Variants in FOXK1 observed in about 807,000 individuals in gnomAD.
The protein encoded by FOXK1 is forkhead box protein K1.
Under a neutral mutation model 51.9 loss-of-function variants are expected in FOXK1, and 19 were observed. The ratio of observed to expected loss-of-function variants is 0.37; its 90% confidence interval spans 0.26 to 0.54. FOXK1 has a LOEUF of 0.54. FOXK1 is among the 20% of genes least tolerant of loss of function. The pLI is 0.87. For missense variants in FOXK1, 870 were observed against 1,032.7 expected (o/e 0.84, Z 2.16); for synonymous variants, 537 against 482.6 (o/e 1.11, Z -1.48).
Position 4,757,438 on chromosome 7 carries a change from G to A in FOXK1, c.1244+251G>A, listed in dbSNP as rs140922245. ...AGGTCAGGGGTTTGAGACCAGCCTA[G>A]CCAACATGGTGAAACCCCTGCCTCT... On this transcript the variant is annotated intron_variant, in intron 5 of 8. Coordinates refer to ENST00000328914, the MANE Select transcript of FOXK1 (RefSeq NM_001037165.2). 8.7e-3 allele frequency among the ~76,000 whole-genome samples: 1,323 copies of A among 152,044 alleles called. 18 individuals carry two copies. The highest frequency in any genetic ancestry group is 0.03 in the African/African-American group (1,260 of 41,480).
Position 4,731,772 on chromosome 7 carries a change from A to G in FOXK1, c.561-9066A>G, listed in dbSNP as rs975419118. Among the ~76,000 whole-genome samples the G allele has an allele frequency of 1.2e-4, 19 of 152,226 alleles. No homozygotes were observed. Among genetic ancestry groups the G allele is most frequent in the East Asian group, 5.8e-4 (3 of 5,196 alleles). ...AAACTCTGCCTCAAAAAAAAAAAAA[A>G]AAAAAGAAAACAGAGAGGCCTGCTT... On this transcript the variant is annotated intron_variant, in intron 1 of 8. Transcript: ENST00000328914. This position sits in a 1 kb window ranked among gnomAD's most constrained non-coding sequence, Gnocchi z 5.3.
Position 4,720,638 on chromosome 7 carries a change from G to C in FOXK1, c.561-20200G>C, listed in dbSNP as rs60253711. Among the ~76,000 whole-genome samples the C allele has an allele frequency of 2.9e-3, 443 of 152,212 alleles. 5 individuals are homozygous for C. The highest frequency in any genetic ancestry group is 8.0e-3 in the African/African-American group (333 of 41,532). On this transcript the variant is annotated intron_variant, in intron 1 of 8. Coordinates refer to ENST00000328914, the MANE Select transcript of FOXK1 (RefSeq NM_001037165.2). ...CCTCAGCCCCATCTCTCCCGAGCAG[G>C]CAGATGCTTCCTGAGAATTAGGCAG... is the stretch of plus-strand genomic sequence containing the variant.
chr7:4,699,587 C>G (rs554680264), intron 1 of FOXK1, among the ~76,000 whole-genome samples: 11 of 151,978 alleles, frequency 7.2e-5, no homozygotes, highest in Non-Finnish European at 1.2e-4. Flanking sequence ...AGGCTGGTCT[C>G]GAACTCCTGG....
At chr7:4,754,699 A>G (rs1420650047) in intron 3 of FOXK1, 84 bp downstream of exon 3, 14 of 1,482,750 alleles carry the variant, frequency 9.4e-6, no homozygotes, top group Non-Finnish European at 1.3e-5. Flanking sequence ...CAGACAGCCC[A>G]GGGCCTGCGG....
chr7:4,725,106 C>T (rs976103397), intron 1 of FOXK1, among the ~76,000 whole-genome samples: 1 of 152,388 alleles, frequency 6.6e-6, no homozygotes, highest in East Asian at 1.9e-4. Flanking sequence ...TCCGCGCCCA[C>T]GTTGCCCTAA....
rs1325740631 is a variant in FOXK1 at position 4,735,930 on chromosome 7, G to T, written c.561-4908G>T. On this transcript the variant is annotated intron_variant, in intron 1 of 8. Coordinates refer to ENST00000328914, the MANE Select transcript of FOXK1 (RefSeq NM_001037165.2). The surrounding 1 kb of genome is among the most constrained non-coding windows in gnomAD (Gnocchi z 4.7). ...GCACTTTGAGAGGCTGATGCGGGTG[G>T]ATCACTTGAGGTCAGGAGTTCAAGA... Among the ~76,000 whole-genome samples the T allele has an allele frequency of 6.6e-6, 1 of 152,166 alleles. No individual in the cohort carries two copies. The highest frequency in any genetic ancestry group is 2.4e-5 in the African/African-American group (1 of 41,432).
At chr7:4,746,973 C>T (rs1780710786) in intron 2 of FOXK1, among the ~76,000 whole-genome samples, 1 of 152,220 alleles carries the variant, frequency 6.6e-6, no homozygotes, top group African/African-American at 2.4e-5. Flanking sequence ...TTGTTTCCTC[C>T]ACATGGGAAG....
rs1293742529 is a variant in FOXK1 at position 4,734,583 on chromosome 7, G to C, written c.561-6255G>C. On this transcript the variant is annotated intron_variant, in intron 1 of 8. Coordinates refer to ENST00000328914, the MANE Select transcript of FOXK1 (RefSeq NM_001037165.2). This position sits in a 1 kb window ranked among gnomAD's most constrained non-coding sequence, Gnocchi z 5.2. ...CGGCCCACCCCCCCGCTGCCCAAGT[G>C]TGCGTGGGCATCGGTGCACGGGGCT... Among the ~76,000 whole-genome samples, 2 of 152,230 alleles carry C rather than the reference G, an allele frequency of 1.3e-5. No individual in the cohort carries two copies. The highest frequency in any genetic ancestry group is 2.9e-5 in the Non-Finnish European group (2 of 68,040).
rs558885719 is a variant in FOXK1, at chr7:4,709,660, G to C, written c.560+26792G>C. On this transcript the variant is annotated intron_variant, in intron 1 of 8. Coordinates refer to ENST00000328914, the MANE Select transcript of FOXK1 (RefSeq NM_001037165.2). The surrounding 1 kb of genome is among the most constrained non-coding windows in gnomAD (Gnocchi z 5.6). ...AAAATCATGAACTGGTTTTGCCGCA[G>C]TAAAGCGTAATTCACATGATACAAA... Among the ~76,000 whole-genome samples, 1 of 152,358 alleles carries C rather than the reference G, an allele frequency of 6.6e-6. No homozygotes were observed. The highest frequency in any genetic ancestry group is 1.9e-4 in the East Asian group (1 of 5,188).
chr7:4,754,647 G>GGTGACCCAGGATCGGGCCATA, intron 3 of FOXK1, 32 bp downstream of exon 3: 2 of 1,591,908 alleles, frequency 1.3e-6, no homozygotes, highest in Non-Finnish European at 1.7e-6. Flanking sequence ...TGGTGCACCT[G>GGTGACCCAGGATCGGGCCATA]GTGACCCAGG....
rs1781032459 is a variant in FOXK1, at chr7:4,767,633, T to C, written c.*5169T>C. ...AGGGTAGAATTTGAAATATAACAAA[T>C]GGTCTCTCGCCCGGTTCTGTCCCTT... On this transcript the variant is annotated 3_prime_UTR_variant, in exon 9 of 9. Transcript: ENST00000328914. The surrounding 1 kb of genome is among the most constrained non-coding windows in gnomAD (Gnocchi z 6.6). The C allele has an allele frequency of 6.6e-6, 1 of 152,238 alleles. No homozygotes were observed. Among genetic ancestry groups the C allele is most frequent in the Admixed American group, 6.5e-5 (1 of 15,280 alleles). 9.4% of individuals were successfully genotyped at this position (152,238 alleles called of 1,614,324 possible). A position where few individuals can be genotyped will look rare whatever the true frequency, so the allele number is the denominator to read the frequency against.
rs372918363 is a variant in FOXK1, at chr7:4,757,103, C to G, written c.1160C>G (p.Ala387Gly). The change falls in exon 5 of 9, where the codon GCC (alanine) becomes GGC (glycine). Residue 387 changes from alanine (A) to glycine (G), a missense_variant. Ala to Gly is a moderately conservative substitution (Grantham distance 60). Transcript: ENST00000328914. ...SFWRIDPASE[A>G]KLVEQAFRKR... ...TGGCGAATAGACCCTGCCTCTGAAG[C>G]CAAGCTCGTGGAACAGGCATTCCGG... 1.9e-5 allele frequency: 31 copies of G among 1,613,644 alleles called. No homozygotes were observed. The highest frequency in any genetic ancestry group is 2.5e-5 in the Non-Finnish European group (29 of 1,179,994).
chr7:4,750,521 C>T (rs1583208925), intron 2 of FOXK1, among the ~76,000 whole-genome samples: 1 of 151,866 alleles, frequency 6.6e-6, no homozygotes, highest in African/African-American at 2.4e-5. Flanking sequence ...CTGCTCACTG[C>T]AAGCTCCGCC....
chr7:4,702,067 C>T (rs533434328), intron 1 of FOXK1, among the ~76,000 whole-genome samples: 2 of 152,024 alleles, frequency 1.3e-5, no homozygotes, highest in Non-Finnish European at 2.9e-5. Context: ...AGAGCAAGAC[C>T]CTGTCTCAAA....
rs2115072523 is a variant in FOXK1, at chr7:4,756,436, T to C, written c.1051-558T>C. On this transcript the variant is annotated intron_variant, in intron 4 of 8. Coordinates refer to ENST00000328914, the MANE Select transcript of FOXK1 (RefSeq NM_001037165.2). The surrounding 1 kb of genome is among the most constrained non-coding windows in gnomAD (Gnocchi z 4.1). ...CGGCCAAGACCCAGTGTTTTCTTTC[T>C]CCCAGATGTGCTCCTAGACCAGGAT... is the stretch of plus-strand genomic sequence containing the variant. Among the ~76,000 whole-genome samples the C allele has an allele frequency of 6.6e-6, 1 of 151,722 alleles. No individual in the cohort carries two copies. Among genetic ancestry groups the C allele is most frequent in the African/African-American group, 2.4e-5 (1 of 41,434 alleles).
At chr7:4,699,882 T>C (rs1358548093) in intron 1 of FOXK1, among the ~76,000 whole-genome samples, 4 of 152,236 alleles carry the variant, frequency 2.6e-5, no homozygotes, top group Non-Finnish European at 5.9e-5. Context: ...CATGTGCAGA[T>C]AATACTTCTT....
rs372308464 is a variant in FOXK1, at chr7:4,687,438, G to A, written c.560+4570G>A. ...CACCTGAGTAGCTGGGATTACAGGC[G>A]CACGTCACCACGCCTGGCTAATTTT... On this transcript the variant is annotated intron_variant, in intron 1 of 8. Transcript: ENST00000328914. 3.3e-3 allele frequency among the ~76,000 whole-genome samples: 504 copies of A among 151,826 alleles called. 3 individuals carry two copies. Among genetic ancestry groups the A allele is most frequent in the African/African-American group, 0.012 (477 of 41,362 alleles).
At position 4,759,197 on chromosome 7, in the gene FOXK1, G is replaced by A. The variant is rs368553969; in HGVS notation, c.1391G>A (p.Arg464Gln). ...AAGTTAGCTTCTGTCCCAGAGTACC[G>A]GTATTCCCAAAGCGCACCCGGTAAG... ...GSKLASVPEY[R>Q]YSQSAPGSPV... Residue 464 changes from arginine (R) to glutamine (Q), a missense_variant, in exon 6 of 9, where the codon CGG (arginine) becomes CAG (glutamine). Coordinates refer to ENST00000328914, the MANE Select transcript of FOXK1 (RefSeq NM_001037165.2). The A allele has an allele frequency of 1.4e-5, 22 of 1,612,458 alleles. No individual in the cohort carries two copies. The highest frequency in any genetic ancestry group is 3.3e-5 in the South Asian group (3 of 91,088).
At chr7:4,751,676 G>A (rs775957019) in intron 2 of FOXK1, among the ~76,000 whole-genome samples, 6 of 152,224 alleles carry the variant, frequency 3.9e-5, no homozygotes, top group Non-Finnish European at 8.8e-5. Flanking sequence ...ATTGAGAGAC[G>A]GGCTGCTCCG....
Sources: allele counts gnomAD v4.1 joint callset (sites outside exome capture counted in the v4.1 genomes callset), GRCh38; gene constraint gnomAD v4.1.1; non-coding constraint Gnocchi (gnomAD v3.1); transcripts MANE v1.5; gene names NCBI Gene and HGNC (gene_info 2026-07-23, HGNC 2026-07-21).